The following PCDH15 variants were observed in gnomAD, a reference collection of about 807,000 sequenced individuals.
The protein encoded by PCDH15 is protocadherin related 15.
Under a neutral mutation model 178.5 loss-of-function variants are expected in PCDH15, and 129 were observed. The observed-to-expected ratio is 0.72, with a 90% CI of 0.63 to 0.84. The LOEUF (loss-of-function observed/expected upper bound fraction) is 0.84. Ranked by LOEUF, PCDH15 falls within the 40% of genes least tolerant of loss-of-function variation. The probability of loss-of-function intolerance (pLI) is 0.00; values close to 1 mark genes in which losing one functional copy is unlikely to be tolerated. For missense variants in PCDH15, 2,230 were observed against 2,099.9 expected (o/e 1.06, Z -1.21); for synonymous variants, 800 against 732.0 (o/e 1.09, Z -1.50).
At chr10:55,531,237 C>T (rs1431779864) in intron 2 of PCDH15, among the ~76,000 whole-genome samples, 1 of 151,898 alleles carries the variant, frequency 6.6e-6, no homozygotes, top group African/African-American at 2.4e-5. Flanking sequence ...TTCCTCATTG[C>T]TACCTTTAAA....
At chr10:55,277,677 T>A (rs568174077) in intron 1 of PCDH15, among the ~76,000 whole-genome samples, 2 of 152,174 alleles carry the variant, frequency 1.3e-5, no homozygotes, top group African/African-American at 4.8e-5. Flanking sequence ...AATGTAGAAC[T>A]CGTCTCAGAG....
At chr10:54,092,802 C>A (rs1046494361) in intron 15 of PCDH15, among the ~76,000 whole-genome samples, 4 of 151,918 alleles carry the variant, frequency 2.6e-5, no homozygotes, top group African/African-American at 9.7e-5. Context: ...TTACAGTGAA[C>A]TTTTTCTGTT....
chr10:54,368,796 T>C (rs1051933895), intron 5 of PCDH15, among the ~76,000 whole-genome samples: 2 of 151,956 alleles, frequency 1.3e-5, no homozygotes, highest in African/African-American at 4.8e-5. Context: ...GTATTTGTAT[T>C]AGATAAATGC....
At position 55,143,935 on chromosome 10, in the gene PCDH15, G is replaced by C. The variant is rs150079391; in HGVS notation, c.-80+22641C>G. On this transcript the variant is annotated intron_variant, in intron 2 of 5. Coordinates refer to the PCDH15 transcript ENST00000458638. Reference sequence around the variant, plus strand: ...GATCTTAGCCCTTTTTACTGACCTAGTTAGACATATTTTTGAATTACTGAA... The same window carrying C: ...GATCTTAGCCCTTTTTACTGACCTACTTAGACATATTTTTGAATTACTGAA... 3.4e-3 allele frequency among the ~76,000 whole-genome samples: 516 copies of C among 151,884 alleles called. 5 individuals are homozygous for C. The highest frequency in any genetic ancestry group is 0.011 in the African/African-American group (470 of 41,442).
chr10:55,484,066 C>T (rs1255446484), intron 2 of PCDH15, among the ~76,000 whole-genome samples: 1 of 151,562 alleles, frequency 6.6e-6, no homozygotes, highest in African/African-American at 2.4e-5. Flanking sequence ...AACCAAATAC[C>T]ATATACAAGT....
At chr10:53,826,873 A>G (rs1294666600) in intron 32 of PCDH15, among the ~76,000 whole-genome samples, 1 of 152,134 alleles carries the variant, frequency 6.6e-6, no homozygotes, top group East Asian at 1.9e-4. Flanking sequence ...TTTAATTTCT[A>G]TATCATATAA....
intron 26 of PCDH15, among the ~76,000 whole-genome samples, chr10:53,883,813 T>G (rs1488254097): frequency 6.6e-6 from 1 of 152,160 alleles, no homozygotes; most frequent in Non-Finnish European, 1.5e-5. Context: ...CCTCCCAGGT[T>G]CAAGCGATTC....
intron 21 of PCDH15, among the ~76,000 whole-genome samples, chr10:53,979,541 A>C (rs954241604): frequency 6.6e-6 from 1 of 152,220 alleles, no homozygotes; most frequent in Non-Finnish European, 1.5e-5. Context: ...TTTTCAATCT[A>C]TAACCTATAA....
At chr10:54,791,326 G>A (rs2133558944) in intron 1 of PCDH15, among the ~76,000 whole-genome samples, 1 of 151,994 alleles carries the variant, frequency 6.6e-6, no homozygotes, top group Admixed American at 6.6e-5. Flanking sequence ...AAAGGTGGAA[G>A]CAAGATTGCA....
At chr10:54,220,952 T>C (rs73250869) in intron 9 of PCDH15, among the ~76,000 whole-genome samples, 11,351 of 152,104 alleles carry the variant, frequency 0.075, 1,351 homozygotes, top group African/African-American at 0.25. Flanking sequence ...GTGTAATGCT[T>C]TTCCAGCGAG....
chr10:54,189,919 ATGTGTATGTGTGTGTGTGTGTG>A (rs1484500313), intron 11 of PCDH15, among the ~76,000 whole-genome samples: 6 of 108,750 alleles, frequency 5.5e-5, no homozygotes, highest in Admixed American at 3.0e-4. Flanking sequence ...GTATACATGC[ATGTGTATGTGTGTGTGTGTGTG>A]TGTGTGTGTG....
chr10:54,524,539 T>G (rs2083197762), intron 3 of PCDH15, among the ~76,000 whole-genome samples: 1 of 152,208 alleles, frequency 6.6e-6, no homozygotes, highest in Admixed American at 6.5e-5. Flanking sequence ...GGTCTTTAAG[T>G]AGTCCCAGAG....
chr10:54,397,268 T>G (rs1951356237), intron 3 of PCDH15, among the ~76,000 whole-genome samples: 1 of 152,038 alleles, frequency 6.6e-6, no homozygotes, highest in Admixed American at 6.6e-5. Context: ...GAGACATCCC[T>G]TTGAAATATT....
chr10:54,868,097 G>T (rs1591753207), intron 3 of PCDH15, among the ~76,000 whole-genome samples: 1 of 152,032 alleles, frequency 6.6e-6, no homozygotes, highest in Admixed American at 6.6e-5. Flanking sequence ...AATTTTATTT[G>T]TCAATTATAT....
chr10:54,180,359 T>C lies in PCDH15; in HGVS notation c.1590+3085A>G, dbSNP rs557040235. Among the ~76,000 whole-genome samples the C allele has an allele frequency of 2.3e-3, 350 of 152,306 alleles. 1 individual carries two copies. The highest frequency in any genetic ancestry group is 0.011 in the South Asian group (51 of 4,826). On this transcript the variant is annotated intron_variant, in intron 13 of 37. Transcript: ENST00000644397. ...CCTTGCAGACAGGGTAGATACTTAA[T>C]AAGAAAAATATACTGTACTTAAAAA...
In PCDH15 at chr10:54,900,924, G is replaced by T. The variant is rs572529730; in HGVS notation, c.-79-3424C>A. Among the ~76,000 whole-genome samples, 6 of 152,214 alleles carry T rather than the reference G, an allele frequency of 3.9e-5. No homozygotes were observed. The South Asian group carries it at 1.0e-3, about 26-fold the overall frequency. ...ACAGGCAATGTTCAGATTGCTTTAGGAATTAATTATTAAAAGATGCAGCAC... is the reference window on the plus strand; with the variant it reads ...ACAGGCAATGTTCAGATTGCTTTAGTAATTAATTATTAAAAGATGCAGCAC... On this transcript the variant is annotated intron_variant, in intron 2 of 5. Transcript: ENST00000458638.
chr10:55,393,538 C>A (rs1837850766), intron 2 of PCDH15, among the ~76,000 whole-genome samples: 2 of 152,106 alleles, frequency 1.3e-5, no homozygotes, highest in South Asian at 2.1e-4. Context: ...CTAAGACAGA[C>A]CCTAAGGTTA....
At chr10:54,158,624 A>G (rs1192334536) in intron 13 of PCDH15, among the ~76,000 whole-genome samples, 1 of 152,208 alleles carries the variant, frequency 6.6e-6, no homozygotes, top group African/African-American at 2.4e-5. Flanking sequence ...GATAAAAAAA[A>G]TACAGCTTGA....
chr10:55,475,006 T>C (rs1025424359), intron 2 of PCDH15, among the ~76,000 whole-genome samples: 1 of 152,058 alleles, frequency 6.6e-6, no homozygotes, highest in African/African-American at 2.4e-5. Flanking sequence ...GCCATCTAAC[T>C]AAAATTAGTA....
Sources: gnomAD v4.1 joint callset for allele counts (sites outside exome capture counted in the v4.1 genomes callset) on GRCh38, gnomAD v4.1.1 for gene constraint, MANE v1.5 for transcripts, NCBI Gene and HGNC (gene_info 2026-07-23, HGNC 2026-07-21) for gene names.